KIAA2012: variants seen among roughly 807,000 people sequenced by gnomAD.
KIAA2012 encodes the protein uncharacterized protein KIAA2012.
A neutral mutation model predicts 150.6 loss-of-function variants in KIAA2012; 125 were observed. That is an observed-to-expected ratio of 0.83 (90% CI 0.72 to 0.96). The LOEUF (loss-of-function observed/expected upper bound fraction) is 0.96, where lower values mean the gene tolerates loss of function less well. KIAA2012 is among the 40% of genes least tolerant of loss of function. The pLI is 0.00. For synonymous variants in KIAA2012, 462 were observed against 504.7 expected (o/e 0.92, Z 1.13); for missense variants, 1,219 against 1,354.9 (o/e 0.90, Z 1.57).
chr2:202,201,820 A>C, intron 22 of KIAA2012: 1 of 1,294,590 alleles, frequency 7.7e-7, no homozygotes, highest in Non-Finnish European at 1.1e-6. Flanking sequence ...GTCTGAGGGT[A>C]GACTGGATTC....
intron 12 of KIAA2012, among the ~76,000 whole-genome samples, chr2:202,129,920 T>TGAGCTAGTGAGTGAGCC (rs1305857499): frequency 6.6e-6 from 1 of 152,238 alleles, no homozygotes; most frequent in African/African-American, 2.4e-5. Flanking sequence ...AGACTATTAC[T>TGAGCTAGTGAGTGAGCC]GAGCTAGTGA....
chr2:202,114,960 G>A (rs200706231), intron 11 of KIAA2012: 4 of 167,442 alleles, frequency 2.4e-5, no homozygotes, highest in South Asian at 2.1e-4. Context: ...TGGGCAGTTG[G>A]TTGACCTTCA....
chr2:202,113,524 C>T, intron 11 of KIAA2012, 78 bp downstream of exon 11: 1 of 994,860 alleles, frequency 1.0e-6, no homozygotes, highest in Non-Finnish European at 1.5e-6. Context: ...TCCAAATTTT[C>T]CCAGCAGCAG....
At chr2:202,101,926 T>C (rs1220645469) in intron 7 of KIAA2012, among the ~76,000 whole-genome samples, 2 of 152,152 alleles carry the variant, frequency 1.3e-5, no homozygotes, top group Non-Finnish European at 2.9e-5. Flanking sequence ...TTTTGAGTAC[T>C]AAAAAGGAGA....
intron 18 of KIAA2012, among the ~76,000 whole-genome samples, chr2:202,188,558 A>G (rs1434847069): frequency 2.0e-5 from 3 of 152,182 alleles, no homozygotes. Flanking sequence ...TGTATATGTG[A>G]TCTCATTAAA....
intron 22 of KIAA2012, chr2:202,201,764 G>T: frequency 7.5e-7 from 1 of 1,327,302 alleles, no homozygotes; most frequent in Non-Finnish European, 1.1e-6. Context: ...GCTCTGAGTA[G>T]GCAGTCGGAG....
chr2:202,079,220 A>T (rs1005652349), intron 2 of KIAA2012, among the ~76,000 whole-genome samples: 31 of 152,196 alleles, frequency 2.0e-4, no homozygotes, highest in African/African-American at 7.5e-4. Flanking sequence ...GGCTTCGGGG[A>T]GGAAAATGGA....
intron 8 of KIAA2012, among the ~76,000 whole-genome samples, chr2:202,105,222 GGGAAGAAA>G (rs934798198): frequency 6.0e-5 from 9 of 149,956 alleles, no homozygotes; most frequent in South Asian, 2.1e-4. Context: ...AGGGAAGGAA[GGGAAGAAA>G]GGAAGAAAGG....
At chr2:202,132,680 A>G (rs1474726593) in intron 12 of KIAA2012, among the ~76,000 whole-genome samples, 1 of 88,332 alleles carries the variant, frequency 1.1e-5, no homozygotes, top group African/African-American at 4.5e-5. Context: ...CACAAAATAC[A>G]TATATATATA....
intron 15 of KIAA2012, among the ~76,000 whole-genome samples, chr2:202,167,682 A>AC (rs1374574232): frequency 2.6e-5 from 4 of 151,856 alleles, no homozygotes; most frequent in Non-Finnish European, 5.9e-5. Flanking sequence ...GGCCTCTAAA[A>AC]ATTTTTTTTT....
chr2:202,131,709 G>A (rs1338001516), intron 12 of KIAA2012, among the ~76,000 whole-genome samples: 1 of 152,150 alleles, frequency 6.6e-6, no homozygotes, highest in Non-Finnish European at 1.5e-5. Flanking sequence ...CTAGCCGAGT[G>A]GTAAAGAAAG....
rs147780912 is a variant in KIAA2012, at chr2:202,101,596, A to G, written c.1155+1147A>G. Among the ~76,000 whole-genome samples, 430 of 152,374 alleles carry G rather than the reference A, an allele frequency of 2.8e-3. 1 individual carries two copies. The highest frequency in any genetic ancestry group is 9.8e-3 in the African/African-American group (408 of 41,592). ...AACTCTGTGTAAGTTTTTAATTAGGATAAAGAAATTAAGTCTTGGCTCGTC... is the reference window on the plus strand; with the variant it reads ...AACTCTGTGTAAGTTTTTAATTAGGGTAAAGAAATTAAGTCTTGGCTCGTC... On this transcript the variant is annotated intron_variant, in intron 7 of 23. Transcript: ENST00000498697.
At chr2:202,165,390 T>G (rs1447472449) in intron 15 of KIAA2012, 34 bp downstream of exon 15, 3 of 1,523,760 alleles carry the variant, frequency 2.0e-6, no homozygotes, top group Middle Eastern at 3.4e-4. Context: ...TATAATCTTA[T>G]AGCCATAACT....
chr2:202,196,186 C>CTTTTCTTTTTTTTTTTTTTTT (rs59455367), intron 21 of KIAA2012, among the ~76,000 whole-genome samples: 9 of 79,702 alleles, frequency 1.1e-4, no homozygotes, highest in African/African-American at 3.6e-4. Context: ...CTTTTCTTTT[C>CTTTTCTTTTTTTTTTTTTTTT]TTTTTTTTTT....
At chr2:202,098,274 C>T (rs752135785) in intron 5 of KIAA2012, among the ~76,000 whole-genome samples, 1 of 152,166 alleles carries the variant, frequency 6.6e-6, no homozygotes, top group Non-Finnish European at 1.5e-5. Context: ...GCAGGAGAAT[C>T]GCTTGAACCT....
rs776918841 is a variant in KIAA2012 at position 202,097,524 on chromosome 2, C to T, written c.775C>T (p.Arg259Cys). The T allele has an allele frequency of 7.1e-6, 11 of 1,550,110 alleles. No individual in the cohort carries two copies. The East Asian group carries it at 1.7e-4, about 24-fold the overall frequency. Residue 259 changes from arginine (R) to cysteine (C), a missense_variant, in exon 5 of 24, where the codon CGC becomes TGC. Arg to Cys is a radical substitution (Grantham distance 180). Coordinates refer to ENST00000498697, the MANE Select transcript of KIAA2012 (RefSeq NM_001277372.4). ...LAKNHGSQGT[R>C]LPPRRKQPWQ... is the part of the protein sequence containing the mutation. ...CAAGAACCATGGCAGTCAGGGGACT[C>T]GCTTGCCACCACGCAGGAAGCAGCC...
At chr2:202,109,870 TA>T in intron 10 of KIAA2012, 81 bp downstream of exon 10, 1 of 1,310,298 alleles carries the variant, frequency 7.6e-7, no homozygotes, top group Non-Finnish European at 1.0e-6. Context: ...TGCTATGATG[TA>T]AGTTTTCTGA....
At chr2:202,087,157 G>A (rs1360705266) in intron 2 of KIAA2012, among the ~76,000 whole-genome samples, 1 of 152,040 alleles carries the variant, frequency 6.6e-6, no homozygotes, top group African/African-American at 2.4e-5. Flanking sequence ...CAGGTTGAGT[G>A]GTGGCAACAG....
intron 2 of KIAA2012, among the ~76,000 whole-genome samples, chr2:202,084,708 G>A (rs997796975): frequency 4.6e-5 from 7 of 152,132 alleles, no homozygotes; most frequent in Non-Finnish European, 1.0e-4. Context: ...TTAGGTCTAG[G>A]ATAACTTTAG....
Sources: allele counts gnomAD v4.1 joint callset (sites outside exome capture counted in the v4.1 genomes callset), GRCh38; gene constraint gnomAD v4.1.1; transcripts MANE v1.5; gene names NCBI Gene and HGNC (gene_info 2026-07-23, HGNC 2026-07-21).